Variants in LRRIQ1 observed in about 807,000 individuals in gnomAD.
LRRIQ1 encodes the protein leucine rich repeats and IQ motif containing 1.
LRRIQ1 carries 210 observed loss-of-function variants against 211.9 expected under a neutral mutation model. The observed-to-expected ratio is 0.99, with a 90% CI of 0.89 to 1.11. LRRIQ1 has a LOEUF of 1.11. LRRIQ1 is among the 50% of genes most tolerant of loss of function. The pLI, the probability that LRRIQ1 is intolerant of heterozygous loss-of-function variation, is 0.00. For synonymous variants in LRRIQ1, 699 were observed against 650.1 expected (o/e 1.08, Z -1.14); for missense variants, 2,136 against 1,939.5 (o/e 1.10, Z -1.90).
chr12:85,241,962 C>G (rs559470364), intron 26 of LRRIQ1, among the ~76,000 whole-genome samples: 38 of 152,040 alleles, frequency 2.5e-4, no homozygotes, highest in Non-Finnish European at 4.6e-4. Flanking sequence ...AAAGTCCTGT[C>G]CCAAAATGTA....
chr12:85,052,326 A>AT, intron 7 of LRRIQ1, 75 bp downstream of exon 7: 2 of 754,568 alleles, frequency 2.7e-6, no homozygotes, highest in South Asian at 4.1e-5. Flanking sequence ...TGAAATGGTT[A>AT]TTTTTAGATA....
intron 26 of LRRIQ1, among the ~76,000 whole-genome samples, chr12:85,240,453 A>G (rs1895409843): frequency 1.3e-5 from 2 of 152,176 alleles, no homozygotes; most frequent in Non-Finnish European, 1.5e-5. Flanking sequence ...AGCTTCTTAT[A>G]AAGTTAAATA....
exon 2 of LRRIQ1, chr12:85,263,005 T>A (rs1297124428): frequency 1.0e-6 from 1 of 987,806 alleles, no homozygotes; most frequent in Non-Finnish European, 1.2e-6. Flanking sequence ...GACAATCCTG[T>A]ACAACTCAGT....
chr12:85,041,791 G>A (rs1465157701), intron 3 of LRRIQ1, among the ~76,000 whole-genome samples: 4 of 151,758 alleles, frequency 2.6e-5, no homozygotes, highest in Non-Finnish European at 4.4e-5. Flanking sequence ...CCTTGAGGTA[G>A]TCAAGCTACT....
intron 15 of LRRIQ1, among the ~76,000 whole-genome samples, chr12:85,118,295 A>C (rs776440026): frequency 1.3e-5 from 2 of 152,178 alleles, no homozygotes; most frequent in Non-Finnish European, 2.9e-5. Context: ...ACTTGATCAA[A>C]CTATTTATTA....
chr12:85,115,589 A>T (rs1183821743), intron 15 of LRRIQ1, among the ~76,000 whole-genome samples: 1 of 152,140 alleles, frequency 6.6e-6, no homozygotes, highest in African/African-American at 2.4e-5. Flanking sequence ...CTTGATCCAC[A>T]TTCCCTAGAA....
downstream of LRRIQ1, among the ~76,000 whole-genome samples, chr12:85,265,485 A>G (rs78777804): frequency 9.6e-3 from 1,457 of 152,128 alleles, 109 homozygotes; most frequent in East Asian, 0.2. Context: ...AATGAAATCT[A>G]TTATCTGCCA....
chr12:85,053,353 T>TA (rs1417483742), intron 7 of LRRIQ1, among the ~76,000 whole-genome samples: 4 of 152,114 alleles, frequency 2.6e-5, no homozygotes, highest in Non-Finnish European at 4.4e-5. Context: ...GTAGGATAAA[T>TA]ACAAAGAAAA....
At chr12:85,253,436 C>T (rs1487583570) in intron 1 of LRRIQ1, among the ~76,000 whole-genome samples, 1 of 152,062 alleles carries the variant, frequency 6.6e-6, no homozygotes, top group Non-Finnish European at 1.5e-5. Context: ...GGAAGTATAG[C>T]TCTGGTACTG....
intron 11 of LRRIQ1, among the ~76,000 whole-genome samples, chr12:85,092,291 T>C (rs1885471525): frequency 6.6e-6 from 1 of 152,214 alleles, no homozygotes; most frequent in South Asian, 2.1e-4. Context: ...CTGCAACTTA[T>C]GGCAGATTTT....
intron 11 of LRRIQ1, among the ~76,000 whole-genome samples, chr12:85,086,466 C>T (rs976768823): frequency 1.6e-4 from 24 of 152,220 alleles, no homozygotes; most frequent in Admixed American, 1.5e-3. Flanking sequence ...GCCTGCTCCC[C>T]TTTTGCCTTC....
At chr12:85,258,659 T>C (rs892441429) in intron 1 of LRRIQ1, among the ~76,000 whole-genome samples, 1 of 151,968 alleles carries the variant, frequency 6.6e-6, no homozygotes, top group African/African-American at 2.4e-5. Context: ...TTCACAGCAC[T>C]TAAATTGATG....
chr12:85,251,871 A>G lies in LRRIQ1; in HGVS notation c.121+6962A>G, dbSNP rs149606208. On this transcript the variant is annotated intron_variant, in intron 1 of 1. Transcript: ENST00000602731. ...CTAGAACAATACAACTTTGTAGTCG[A>G]CAATTTCCCAAATAAAAAGCAACAG... Among the ~76,000 whole-genome samples, 57 of 151,726 alleles carry G rather than the reference A, an allele frequency of 3.8e-4. 1 individual carries two copies. The highest frequency in any genetic ancestry group is 1.3e-3 in the African/African-American group (54 of 41,430).
At chr12:85,142,501 A>G (rs1889611382) in intron 19 of LRRIQ1, among the ~76,000 whole-genome samples, 1 of 151,570 alleles carries the variant, frequency 6.6e-6, no homozygotes, top group Non-Finnish European at 1.5e-5. Flanking sequence ...ACATTTTTCA[A>G]GAGCACAATC....
intron 24 of LRRIQ1, among the ~76,000 whole-genome samples, chr12:85,206,586 G>C (rs1443791414): frequency 6.6e-6 from 1 of 152,088 alleles, no homozygotes; most frequent in Non-Finnish European, 1.5e-5. Context: ...TGGGGGTGAG[G>C]GGGTGCTCCT....
downstream of LRRIQ1, among the ~76,000 whole-genome samples, chr12:85,269,033 G>A (rs1896481517): frequency 1.3e-5 from 2 of 151,902 alleles, no homozygotes; most frequent in African/African-American, 2.4e-5. Context: ...ATTAACGAAA[G>A]CATTTTAAGT....
At chr12:85,265,528 T>C (rs1896400638), downstream of LRRIQ1, among the ~76,000 whole-genome samples, 1 of 152,030 alleles carries the variant, frequency 6.6e-6, no homozygotes, top group Non-Finnish European at 1.5e-5. Context: ...GGAGTTGTTC[T>C]GCTCTAATTA....
intron 18 of LRRIQ1, among the ~76,000 whole-genome samples, chr12:85,136,161 C>T (rs1439353354): frequency 1.4e-5 from 2 of 146,184 alleles, no homozygotes; most frequent in Admixed American, 6.9e-5. Flanking sequence ...CTCCAACCTG[C>T]GTGTACTTGT....
intron 24 of LRRIQ1, among the ~76,000 whole-genome samples, chr12:85,197,978 AATTATATTATATATTATATATAACATAT>A (rs1565898464): frequency 3.8e-5 from 4 of 105,506 alleles, no homozygotes; most frequent in African/African-American, 1.6e-4. Flanking sequence ...AAATATATAT[AATTATATTATATATTATATATAACATAT>A]ATAATATATT....
Sources: gnomAD v4.1 joint callset for allele counts (sites outside exome capture counted in the v4.1 genomes callset) on GRCh38, gnomAD v4.1.1 for gene constraint, MANE v1.5 for transcripts, NCBI Gene and HGNC (gene_info 2026-07-23, HGNC 2026-07-21) for gene names.